Variants in MYBPC2 observed in about 807,000 individuals in gnomAD.
MYBPC2 encodes the protein myosin-binding protein C, fast-type.
MYBPC2 carries 122 observed loss-of-function variants against 137.0 expected under a neutral mutation model. That is an observed-to-expected ratio of 0.89 (90% confidence interval 0.77 to 1.03). The LOEUF is 1.03. Ranked by LOEUF, MYBPC2 falls within the 50% of genes least tolerant of loss-of-function variation. MYBPC2 has a pLI of 0.00. For synonymous variants in MYBPC2, 626 were observed against 612.3 expected (o/e 1.02, Z -0.33); for missense variants, 1,500 against 1,534.4 (o/e 0.98, Z 0.37).
At chr19:50,446,670 A>G (rs1446340876) in intron 12 of MYBPC2, among the ~76,000 whole-genome samples, 1 of 149,854 alleles carries the variant, frequency 6.7e-6, no homozygotes, top group African/African-American at 2.5e-5. Context: ...GAATACAAAA[A>G]TTAGCTGGGT....
At position 50,432,952 on chromosome 19, in the gene MYBPC2, A is replaced by T; in HGVS notation, c.-2A>T. The stretch of plus-strand genomic sequence containing the variant: ...CAGAGGAGCAGGAGGAGGTCCCCCG[A>T]CATGCCTGAGGCAAAACCAGGTGGC... On this transcript the variant is annotated 5_prime_UTR_variant, in exon 1 of 28. Transcript: ENST00000357701. This position sits in a 1 kb window ranked among gnomAD's most constrained non-coding sequence, Gnocchi z 5.5. 6.2e-7 allele frequency: 1 copy of T among 1,607,060 alleles called. No homozygotes were observed. Among genetic ancestry groups the T allele is most frequent in the Non-Finnish European group, 8.5e-7 (1 of 1,177,780 alleles).
rs2040002624 is a variant in MYBPC2, at chr19:50,465,027, T to C, written c.3415+495T>C. Among the ~76,000 whole-genome samples, 1 of 151,374 alleles carries C rather than the reference T, an allele frequency of 6.6e-6. No individual in the cohort carries two copies. Among genetic ancestry groups the C allele is most frequent in the Non-Finnish European group, 1.5e-5 (1 of 67,848 alleles). ...CAGCCCCAGCGAAAGCTACATCCTC[T>C]TCCTCCCATATTCCATTTCCAGCCG... On this transcript the variant is annotated intron_variant, in intron 27 of 27. Transcript: ENST00000357701. This position sits in a 1 kb window ranked among gnomAD's most constrained non-coding sequence, Gnocchi z 4.5.
In MYBPC2 at chr19:50,464,359, G is replaced by T. The variant is rs1286042170; in HGVS notation, c.3242G>T (p.Trp1081Leu). The T allele has an allele frequency of 6.2e-7, 1 of 1,607,094 alleles. No homozygotes were observed. ...VRGHPKPKVVWMKNKMEIRED... is the reference protein window; with the variant it reads ...VRGHPKPKVVLMKNKMEIRED... ...GACTCTCAACAGCCGAAGGTGGTCTGGATGAAGAACAAGATGGAAATCCGT... is the reference window on the plus strand; with the variant it reads ...GACTCTCAACAGCCGAAGGTGGTCTTGATGAAGAACAAGATGGAAATCCGT... The change falls in exon 27 of 28, where the codon TGG (tryptophan) becomes TTG (leucine). Residue 1081 changes from tryptophan (W) to leucine (L), a missense_variant. By Grantham distance (61) the Trp-to-Leu change is moderately conservative. Coordinates refer to ENST00000357701, the MANE Select transcript of MYBPC2 (RefSeq NM_004533.4).
intron 5 of MYBPC2, 63 bp downstream of exon 5, chr19:50,436,797 C>G: frequency 2.7e-6 from 4 of 1,496,494 alleles, no homozygotes; most frequent in Non-Finnish European, 2.8e-6. Flanking sequence ...ACAGATGTAC[C>G]AGCCAGGTGT....
rs532843099 is a variant in MYBPC2 at position 50,461,686 on chromosome 19, C to T, written c.3076C>T (p.Arg1026Cys). The change falls in exon 25 of 28, where the codon CGC (arginine) becomes TGC (cysteine). Residue 1026 changes from arginine to cysteine, a missense_variant. Transcript: ENST00000357701. Reference protein sequence around the residue: ...DSPGVSKNTARILKTGITFKP... With the variant: ...DSPGVSKNTACILKTGITFKP... ...ACCTGGTGTCTCCAAGAACACGGCC[C>T]GCATCCTCAAGACAGGTACAGCCAT... 6.2e-6 allele frequency: 10 copies of T among 1,613,422 alleles called. No homozygotes were observed. The highest frequency in any genetic ancestry group is 4.0e-5 in the African/African-American group (3 of 74,832).
chr19:50,446,107 C>T (rs939560236), intron 12 of MYBPC2, 55 bp downstream of exon 12: 1 of 1,554,578 alleles, frequency 6.4e-7, no homozygotes, highest in African/African-American at 1.4e-5. Flanking sequence ...CTCCACACAG[C>T]TTGAGGTTGC....
chr19:50,436,445 A>T (rs1376523548), intron 4 of MYBPC2, among the ~76,000 whole-genome samples, 172 bp from the exon 5 acceptor site: 3 of 152,194 alleles, frequency 2.0e-5, no homozygotes, highest in Non-Finnish European at 2.9e-5. Flanking sequence ...GATGGGTCAG[A>T]TATGAGGAGA....
intron 15 of MYBPC2, 38 bp downstream of exon 15, chr19:50,451,347 G>GAGGAGGGAC: frequency 1.2e-6 from 2 of 1,610,202 alleles, no homozygotes; most frequent in Non-Finnish European, 1.7e-6. Context: ...GGGTCTGAGG[G>GAGGAGGGAC]AGGAGGGACC....
Position 50,458,978 on chromosome 19 carries a change from A to G in MYBPC2, c.2567A>G (p.Glu856Gly). The G allele has an allele frequency of 6.2e-7, 1 of 1,612,572 alleles. No individual in the cohort carries two copies. Among genetic ancestry groups the G allele is most frequent in the South Asian group, 1.1e-5 (1 of 90,874 alleles). ...LRQTYIRKVG[E>G]QLNLVVPFQG... ...CAGACCTACATCCGCAAAGTGGGCG[A>G]GCAGCTCAACCTTGTCGTCCCCTTC... is the stretch of plus-strand genomic sequence containing the variant. Residue 856 changes from glutamate (E) to glycine (G), a missense_variant, in exon 22 of 28, where the codon GAG (glutamate) becomes GGG (glycine). Physicochemically the swap from Glu to Gly is moderately conservative, Grantham distance 98 (BLOSUM62 -2). Transcript: ENST00000357701.
intron 26 of MYBPC2, among the ~76,000 whole-genome samples, chr19:50,463,716 A>C (rs896517099): frequency 3.9e-5 from 6 of 152,136 alleles, no homozygotes; most frequent in Non-Finnish European, 8.8e-5. Context: ...AGGCGGGCAG[A>C]TCACCTGAGG....
At position 50,435,658 on chromosome 19, in the gene MYBPC2, T is replaced by C. The variant is rs1334097854; in HGVS notation, c.110-118T>C. 1 of 814,382 alleles carries C rather than the reference T, an allele frequency of 1.2e-6. No homozygotes were observed. Among genetic ancestry groups the C allele is most frequent in the Admixed American group, 3.0e-5 (1 of 33,384 alleles). The allele number at this position is 814,382 out of a possible 1,614,324, so 50.4% of individuals were successfully genotyped here. On this transcript the variant is annotated intron_variant, in intron 2 of 27. Transcript: ENST00000357701. This position sits in a 1 kb window ranked among gnomAD's most constrained non-coding sequence, Gnocchi z 4.8. ...AGGAAAAGCCATTTAACCCCCATGA[T>C]GTTTGGTTTCTGAGTAGAGGGGCCC...
chr19:50,450,905 C>T lies in MYBPC2; in HGVS notation c.1549C>T (p.Leu517=). Residue 517 remains leucine (L), a synonymous_variant, in exon 14 of 28, where the codon CTG becomes TTG. Coordinates refer to ENST00000357701, the MANE Select transcript of MYBPC2 (RefSeq NM_004533.4). The part of the protein sequence containing the change: ...DYTFVPDGYA[L]SLSAKLNFLE... ...CACGTTTGTGCCTGACGGCTACGCC[C>T]TGTCGCTCTCGGCCAAGCTCAACTT... The T allele has an allele frequency of 6.4e-7, 1 of 1,573,990 alleles. No homozygotes were observed. Among genetic ancestry groups the T allele is most frequent in the South Asian group, 1.2e-5 (1 of 85,248 alleles).
At chr19:50,457,329 C>T (rs1354196895) in intron 20 of MYBPC2, among the ~76,000 whole-genome samples, 1 of 152,148 alleles carries the variant, frequency 6.6e-6, no homozygotes, top group Non-Finnish European at 1.5e-5. Context: ...CTGCTCTGAG[C>T]CAACAGCCAT....
intron 16 of MYBPC2, among the ~76,000 whole-genome samples, chr19:50,453,547 C>T (rs891867694): frequency 6.7e-6 from 1 of 148,308 alleles, no homozygotes; most frequent in Non-Finnish European, 1.5e-5. Flanking sequence ...CTTTTTTTCT[C>T]TTTTTTTTTT....
chr19:50,462,070 T>C, intron 26 of MYBPC2, 34 bp downstream of exon 26: 1 of 1,553,492 alleles, frequency 6.4e-7, no homozygotes, highest in Non-Finnish European at 8.7e-7. Context: ...TGCGTGTGTG[T>C]TGCCTTGTGG....
chr19:50,447,278 G>T (rs994756257), intron 12 of MYBPC2, among the ~76,000 whole-genome samples: 2 of 152,144 alleles, frequency 1.3e-5, no homozygotes, highest in Admixed American at 1.3e-4. Flanking sequence ...TGTCACCAGT[G>T]GGGGAGGCTG....
At chr19:50,438,587 T>C (rs553800042) in intron 7 of MYBPC2, among the ~76,000 whole-genome samples, 6 of 152,120 alleles carry the variant, frequency 3.9e-5, no homozygotes, top group Non-Finnish European at 8.8e-5. Context: ...GATTGAAGTC[T>C]GGGTGCAGTG....
intron 11 of MYBPC2, among the ~76,000 whole-genome samples, chr19:50,444,910 A>G (rs58480196): frequency 0.018 from 2,725 of 150,914 alleles, 82 homozygotes; most frequent in African/African-American, 0.063. Context: ...AAAAATGTCA[A>G]CATGGTACCT....
At chr19:50,446,982 G>T (rs993821151) in intron 12 of MYBPC2, among the ~76,000 whole-genome samples, 3 of 134,110 alleles carry the variant, frequency 2.2e-5, no homozygotes, top group African/African-American at 9.6e-5. Flanking sequence ...GCAAGACTCC[G>T]TCTTAAAAAA....
Sources: allele counts gnomAD v4.1 joint callset (sites outside exome capture counted in the v4.1 genomes callset), GRCh38; gene constraint gnomAD v4.1.1; non-coding constraint Gnocchi (gnomAD v3.1); transcripts MANE v1.5; gene names NCBI Gene and HGNC (gene_info 2026-07-23, HGNC 2026-07-21).